The following TRAP1 variants were observed in gnomAD, a reference collection of about 807,000 sequenced individuals.
TRAP1 encodes the protein TNF receptor associated protein 1, also known as heat shock protein 75 kDa, mitochondrial.
Under a neutral mutation model 89.1 loss-of-function variants are expected in TRAP1, and 102 were observed. That is an observed-to-expected ratio of 1.15 (90% CI 0.98 to 1.35). The LOEUF is 1.35. TRAP1 is among the 40% of genes most tolerant of loss of function. TRAP1 has a pLI of 0.00. For synonymous variants in TRAP1, 508 were observed against 388.0 expected (o/e 1.31, Z -3.64); for missense variants, 1,256 against 945.3 (o/e 1.33, Z -4.31).
chr16:3,673,999 C>A (rs1213334746), intron 9 of TRAP1, among the ~76,000 whole-genome samples: 3 of 152,218 alleles, frequency 2.0e-5, no homozygotes, highest in Non-Finnish European at 2.9e-5. Flanking sequence ...CCAGCCTGCA[C>A]TGAGATGCCC....
chr16:3,706,738 G>A (rs1672722047), intron 1 of TRAP1, among the ~76,000 whole-genome samples: 1 of 152,066 alleles, frequency 6.6e-6, no homozygotes, highest in South Asian at 2.1e-4. Context: ...TGCAATTACA[G>A]GCATGACCAA....
Position 3,679,096 on chromosome 16 carries a change from C to G in TRAP1, c.543+623G>C, listed in dbSNP as rs114952030. ...TCAGGAGGCTGAGGCTGGAGGATAG[C>G]CCGGCCAACATGGTGAAACCCCGTC... On this transcript the variant is annotated intron_variant, in intron 5 of 17. Transcript: ENST00000246957. 3.9e-3 allele frequency among the ~76,000 whole-genome samples: 589 copies of G among 152,166 alleles called. 4 individuals are homozygous for G. The highest frequency in any genetic ancestry group is 0.013 in the African/African-American group (560 of 41,516).
intron 2 of TRAP1, chr16:3,689,765 GGGA>G (rs1418962829): frequency 6.6e-6 from 1 of 152,358 alleles, no homozygotes; most frequent in Non-Finnish European, 1.5e-5. Flanking sequence ...ACTTGAGCCA[GGGA>G]GGTCGAGGCT....
chr16:3,699,019 C>T (rs532152800), intron 1 of TRAP1, among the ~76,000 whole-genome samples: 1 of 152,308 alleles, frequency 6.6e-6, no homozygotes, highest in Non-Finnish European at 1.5e-5. Flanking sequence ...AAACCACAAA[C>T]CTCAATGTCA....
intron 10 of TRAP1, 86 bp downstream of exon 10, chr16:3,672,614 G>A: frequency 6.8e-7 from 1 of 1,479,334 alleles, no homozygotes; most frequent in Non-Finnish European, 9.0e-7. Flanking sequence ...GAGGGCTGCT[G>A]AGAATGGAAT....
At chr16:3,666,673 T>TA (rs2050835914) in intron 11 of TRAP1, among the ~76,000 whole-genome samples, 1 of 152,124 alleles carries the variant, frequency 6.6e-6, no homozygotes, top group Non-Finnish European at 1.5e-5. Context: ...CGTCTATAGA[T>TA]ACAGGCAAAG....
intron 7 of TRAP1, 98 bp from the exon 8 acceptor site, chr16:3,675,495 G>A (rs1181495151): frequency 7.6e-5 from 88 of 1,155,886 alleles, no homozygotes; most frequent in Non-Finnish European, 1.1e-4. Context: ...TGCTGGGAAG[G>A]GTCCTCCATG....
chr16:3,658,736 AGGCTGGCAG>A (rs1314967196), intron 17 of TRAP1, 48 bp downstream of exon 17: 5 of 1,531,618 alleles, frequency 3.3e-6, no homozygotes, highest in Non-Finnish European at 4.5e-6. Flanking sequence ...CCCTGAAGGC[AGGCTGGCAG>A]GGCTGGTAGC....
intron 4 of TRAP1, among the ~76,000 whole-genome samples, chr16:3,681,190 T>C (rs35213720): frequency 5.0e-4 from 76 of 152,306 alleles, no homozygotes; most frequent in Non-Finnish European, 6.0e-4. Context: ...CATCTATGAA[T>C]TGGGACAAAG....
At chr16:3,707,362 T>C (rs1479449502) in intron 1 of TRAP1, among the ~76,000 whole-genome samples, 1 of 151,304 alleles carries the variant, frequency 6.6e-6, no homozygotes, top group Non-Finnish European at 1.5e-5. Flanking sequence ...ATGTTTTGTA[T>C]TTTTAGTAGA....
At chr16:3,686,231 A>G (rs773691977) in intron 3 of TRAP1, 95 bp from the exon 4 acceptor site, 19 of 1,376,244 alleles carry the variant, frequency 1.4e-5, no homozygotes, top group South Asian at 2.7e-5. Flanking sequence ...GTTAAAAGGT[A>G]GAGGAGAATA....
In TRAP1 at chr16:3,708,857, C is replaced by T. The variant is rs1260079815; in HGVS notation, c.88+8564G>A. Among the ~76,000 whole-genome samples, 4 of 144,196 alleles carry T rather than the reference C, an allele frequency of 2.8e-5. 1 individual carries two copies. The highest frequency in any genetic ancestry group is 4.9e-4 in the South Asian group (2 of 4,100). The allele number at this position is 144,196 out of a possible 152,430, so 94.6% of individuals were successfully genotyped here. A position where few individuals can be genotyped will look rare whatever the true frequency, so the allele number is the denominator to read the frequency against. ...TTGAGATGGAGTTTTGCTCTGTTGC[C>T]GAGGCTGGAGTGCAGTGGTGCGATC... On this transcript the variant is annotated intron_variant, in intron 1 of 17. Coordinates refer to ENST00000246957, the MANE Select transcript of TRAP1 (RefSeq NM_016292.3).
At chr16:3,698,488 G>C (rs1648149329) in intron 1 of TRAP1, among the ~76,000 whole-genome samples, 1 of 151,766 alleles carries the variant, frequency 6.6e-6, no homozygotes, top group African/African-American at 2.4e-5. Context: ...ATTTTTAGTA[G>C]AGATGGGGTT....
intron 1 of TRAP1, among the ~76,000 whole-genome samples, chr16:3,703,832 G>A (rs528313172): frequency 7.9e-5 from 12 of 151,040 alleles, no homozygotes; most frequent in Middle Eastern, 7.1e-3. Context: ...TGGCTAACAC[G>A]GTGAAAGCCA....
intron 11 of TRAP1, 44 bp downstream of exon 11, chr16:3,671,678 G>A: frequency 1.3e-6 from 2 of 1,596,168 alleles, no homozygotes; most frequent in Non-Finnish European, 1.7e-6. Context: ...GCAGGTAGGG[G>A]CCTTGTCCCC....
intron 9 of TRAP1, 63 bp from the exon 10 acceptor site, chr16:3,672,883 G>C (rs1308331864): frequency 1.3e-6 from 2 of 1,557,194 alleles, no homozygotes; most frequent in Non-Finnish European, 1.7e-6. Context: ...CCCTGGCTGG[G>C]AGGTGGGGGC....
At chr16:3,663,185 C>G in intron 14 of TRAP1, 1 of 661,872 alleles carries the variant, frequency 1.5e-6, no homozygotes, top group Non-Finnish European at 2.5e-6. Flanking sequence ...AATACACAGC[C>G]TCTCAAGAAG....
At chr16:3,686,232 G>A in intron 3 of TRAP1, 96 bp from the exon 4 acceptor site, 1 of 1,374,016 alleles carries the variant, frequency 7.3e-7, no homozygotes, top group Non-Finnish European at 1.0e-6. Flanking sequence ...TTAAAAGGTA[G>A]AGGAGAATAG....
At chr16:3,664,234 T>G (rs754302006) in intron 13 of TRAP1, 40 bp downstream of exon 13, 17 of 1,500,862 alleles carry the variant, frequency 1.1e-5, no homozygotes, top group Non-Finnish European at 1.5e-5. Context: ...CCTCCCCAGG[T>G]TGCAGCCCCC....
Sources: allele counts gnomAD v4.1 joint callset (sites outside exome capture counted in the v4.1 genomes callset), GRCh38; gene constraint gnomAD v4.1.1; transcripts MANE v1.5; gene names NCBI Gene and HGNC (gene_info 2026-07-23, HGNC 2026-07-21).